Variants in PRXL2C observed in about 807,000 individuals in gnomAD.
The protein encoded by PRXL2C is peroxiredoxin-like 2C.
Under a neutral mutation model 24.9 loss-of-function variants are expected in PRXL2C, and 38 were observed. The observed-to-expected ratio is 1.53, with a 90% CI of 1.18 to 2.00. The LOEUF is 2.00. PRXL2C is among the 30% of genes most tolerant of loss of function. The probability of loss-of-function intolerance (pLI) is 0.00; values close to 1 mark genes in which losing one functional copy is unlikely to be tolerated. For synonymous variants in PRXL2C, 98 were observed against 117.2 expected, an observed-to-expected ratio of 0.84 and a Z score of 1.06; for missense variants, 294 against 290.9, an observed-to-expected ratio of 1.01 and a Z score of -0.08.
chr9:96,652,970 G>A (rs1015247124), intron 2 of PRXL2C, among the ~76,000 whole-genome samples: 2 of 152,194 alleles, frequency 1.3e-5, no homozygotes, highest in African/African-American at 4.8e-5. Context: ...GCTCACGCCT[G>A]TAATCCCAGC....
chr9:96,651,014 G>C (rs1306149461), intron 4 of PRXL2C, among the ~76,000 whole-genome samples: 2 of 152,114 alleles, frequency 1.3e-5, no homozygotes, highest in African/African-American at 4.8e-5. Context: ...CCTGAGGCTG[G>C]GTGCAGTGGC....
chr9:96,647,676 C>T (rs901072300), intron 4 of PRXL2C, among the ~76,000 whole-genome samples: 2 of 152,062 alleles, frequency 1.3e-5, no homozygotes, highest in African/African-American at 2.4e-5. Flanking sequence ...GTTCATGCCA[C>T]CAATCCTGGC....
intron 5 of PRXL2C, 123 bp from the exon 6 acceptor site, chr9:96,642,009 T>C (rs1848123868): frequency 4.2e-6 from 3 of 709,810 alleles, no homozygotes; most frequent in South Asian, 8.4e-5. Context: ...TTACCTGGAG[T>C]GCATTATATT....
At chr9:96,645,292 G>A (rs930527493) in intron 5 of PRXL2C, among the ~76,000 whole-genome samples, 7 of 151,970 alleles carry the variant, frequency 4.6e-5, no homozygotes, top group African/African-American at 1.5e-4. Context: ...CCTAAATAGC[G>A]GAGTGTGTGA....
chr9:96,640,937 C>T lies in PRXL2C; in HGVS notation c.*822G>A, dbSNP rs774093801. ...TCTAAAACAATTTTTTTCTCCATAG[C>T]TCCCCCAACCCCCCAAAATCCTAGT... is the stretch of plus-strand genomic sequence containing the variant. On this transcript the variant is annotated 3_prime_UTR_variant, in exon 6 of 6. Transcript: ENST00000375234. 15 of 151,916 alleles carry T rather than the reference C, an allele frequency of 9.9e-5. No homozygotes were observed. Among genetic ancestry groups the T allele is most frequent in the Non-Finnish European group, 1.9e-4 (13 of 68,052 alleles). 9.4% of individuals were successfully genotyped at this position (151,916 alleles called of 1,614,324 possible).
Position 96,654,773 on chromosome 9 carries a change from G to T in PRXL2C, c.193C>A (p.His65Asn). ...ERRAVVVFVR[H>N]FLCYICKEYV... The stretch of plus-strand genomic sequence containing the variant: ...TCCTTGCAGATGTAACACAGGAAAT[G>T]CTGAAAGCCAAAACGGCAGAAAGGG... Residue 65 changes from histidine to asparagine, a missense_variant and splice_region_variant, in exon 2 of 6, where the codon CAT becomes AAT. By Grantham distance (68) the His-to-Asn change is moderately conservative (BLOSUM62 1). Coordinates refer to ENST00000375234, the MANE Select transcript of PRXL2C (RefSeq NM_153698.2). 6.4e-7 allele frequency: 1 copy of T among 1,560,818 alleles called. No individual in the cohort carries two copies. The highest frequency in any genetic ancestry group is 2.4e-5 in the East Asian group (1 of 42,408).
At position 96,654,788 on chromosome 9, in the gene PRXL2C, G is replaced by A; in HGVS notation, c.193-15C>T. ...CACAGGAAATGCTGAAAGCCAAAACGGCAGAAAGGGCAAGTTAGTAAAGCA... is the reference window on the plus strand; with the variant it reads ...CACAGGAAATGCTGAAAGCCAAAACAGCAGAAAGGGCAAGTTAGTAAAGCA... On this transcript the variant is annotated splice_polypyrimidine_tract_variant and intron_variant, in intron 1 of 5. Transcript: ENST00000375234. 1 of 1,554,320 alleles carries A rather than the reference G, an allele frequency of 6.4e-7. No homozygotes were observed. The highest frequency in any genetic ancestry group is 8.7e-7 in the Non-Finnish European group (1 of 1,147,828).
intron 5 of PRXL2C, among the ~76,000 whole-genome samples, chr9:96,644,758 G>A (rs1221088091): frequency 2.0e-5 from 3 of 152,014 alleles, no homozygotes; most frequent in Admixed American, 2.0e-4. Flanking sequence ...GGGATTATAG[G>A]TGTGAGCCAC....
chr9:96,646,661 T>C (rs1390308992), intron 4 of PRXL2C, among the ~76,000 whole-genome samples: 1 of 152,134 alleles, frequency 6.6e-6, no homozygotes, highest in Non-Finnish European at 1.5e-5. Flanking sequence ...CTCCCACAAG[T>C]GATTCTCATA....
chr9:96,655,287 G>C lies in PRXL2C; in HGVS notation c.-6C>G, dbSNP rs1219513735. The C allele has an allele frequency of 3.8e-6, 4 of 1,053,068 alleles. No individual in the cohort carries two copies. The highest frequency in any genetic ancestry group is 5.5e-5 in the Admixed American group (1 of 18,306). 65.2% of individuals were successfully genotyped at this position (1,053,068 alleles called of 1,614,324 possible). A position where few individuals can be genotyped will look rare whatever the true frequency, so the allele number is the denominator to read the frequency against. ...ACCGGGGCCGGCGCGGCCATGACGC[G>C]GGGCGGCCGAGGGCCTGGGTCCGCT... is the stretch of plus-strand genomic sequence containing the variant. On this transcript the variant is annotated 5_prime_UTR_variant, in exon 1 of 6. Coordinates refer to ENST00000375234, the MANE Select transcript of PRXL2C (RefSeq NM_153698.2).
intron 2 of PRXL2C, among the ~76,000 whole-genome samples, chr9:96,654,047 A>G (rs1848312580): frequency 6.6e-6 from 1 of 152,076 alleles, no homozygotes; most frequent in Non-Finnish European, 1.5e-5. Flanking sequence ...TCACCGTGTT[A>G]ACCAGGATGG....
chr9:96,654,749 C>T lies in PRXL2C; in HGVS notation c.217G>A (p.Glu73Lys), dbSNP rs752340584. The stretch of plus-strand genomic sequence containing the variant: ...ATTTTGGCCAGATCCTCTACGTATT[C>T]CTTGCAGATGTAACACAGGAAATGC... ...VRHFLCYICK[E>K]YVEDLAKIPR... is the part of the protein sequence containing the mutation. The change falls in exon 2 of 6, where the codon GAA becomes AAA. Residue 73 changes from glutamate to lysine, a missense_variant. Transcript: ENST00000375234. The T allele has an allele frequency of 6.4e-7, 1 of 1,567,198 alleles. No homozygotes were observed. The highest frequency in any genetic ancestry group is 1.9e-5 in the Admixed American group (1 of 52,874).
In PRXL2C at chr9:96,652,338, T is replaced by C. The variant is rs564060582; in HGVS notation, c.262-626A>G. 2.0e-5 allele frequency among the ~76,000 whole-genome samples: 3 copies of C among 152,118 alleles called. No individual in the cohort carries two copies. In the South Asian group the frequency reaches 6.2e-4, roughly 32 times the overall value. ...GAGATCAAGACCAGCCTGACCAACATGGTGAAACCCCATCTCCACTAAAAA... is the reference window on the plus strand; with the variant it reads ...GAGATCAAGACCAGCCTGACCAACACGGTGAAACCCCATCTCCACTAAAAA... On this transcript the variant is annotated intron_variant, in intron 2 of 5. Transcript: ENST00000375234.
chr9:96,642,971 A>AT (rs552551772), intron 5 of PRXL2C, among the ~76,000 whole-genome samples: 12 of 151,858 alleles, frequency 7.9e-5, no homozygotes, highest in East Asian at 3.9e-4. Flanking sequence ...ATGTACAGAC[A>AT]TTTTTTTTTC....
chr9:96,655,230 C>G lies in PRXL2C; in HGVS notation c.52G>C (p.Val18Leu). The change falls in exon 1 of 6, where the codon GTC (valine) becomes CTC (leucine). Residue 18 changes from valine to leucine, a missense_variant. By Grantham distance (32) the Val-to-Leu change is conservative. Coordinates refer to ENST00000375234, the MANE Select transcript of PRXL2C (RefSeq NM_153698.2). ...CTGTCGGGGCCGCTCGGGGCCGGGA[C>G]CAGGGCGGCGGCGCCGCTAACCTGC... ...TRQVSGAAALVPAPSGPDSGQ... is the reference protein window; with the variant it reads ...TRQVSGAAALLPAPSGPDSGQ... 8.8e-7 allele frequency: 1 copy of G among 1,142,828 alleles called. No homozygotes were observed. Among genetic ancestry groups the G allele is most frequent in the Non-Finnish European group, 1.1e-6 (1 of 932,144 alleles). 70.8% of individuals were successfully genotyped at this position (1,142,828 alleles called of 1,614,324 possible).
At chr9:96,645,691 G>A (rs1213276371) in intron 5 of PRXL2C, among the ~76,000 whole-genome samples, 2 of 151,798 alleles carry the variant, frequency 1.3e-5, no homozygotes, top group Non-Finnish European at 2.9e-5. Flanking sequence ...CAGCTACTCG[G>A]GAGGCTGAGG....
intron 2 of PRXL2C, among the ~76,000 whole-genome samples, chr9:96,654,355 T>C (rs1848316862): frequency 6.6e-6 from 1 of 152,230 alleles, no homozygotes; most frequent in South Asian, 2.1e-4. Flanking sequence ...TACGATATAT[T>C]AGTATTTTCC....
At chr9:96,643,849 T>C (rs1848152960) in intron 5 of PRXL2C, among the ~76,000 whole-genome samples, 1 of 151,834 alleles carries the variant, frequency 6.6e-6, no homozygotes, top group Non-Finnish European at 1.5e-5. Flanking sequence ...AAAAATATGG[T>C]ATTGGCTGGG....
intron 4 of PRXL2C, among the ~76,000 whole-genome samples, chr9:96,647,865 T>C (rs1438147477): frequency 1.3e-5 from 2 of 151,680 alleles, no homozygotes; most frequent in East Asian, 3.9e-4. Flanking sequence ...ACATGTGAAA[T>C]AAATGCTCAG....
Sources: allele counts gnomAD v4.1 joint callset (sites outside exome capture counted in the v4.1 genomes callset), GRCh38; gene constraint gnomAD v4.1.1; transcripts MANE v1.5; gene names NCBI Gene and HGNC (gene_info 2026-07-23, HGNC 2026-07-21).